PSG11: variants seen among roughly 807,000 people sequenced by gnomAD.
PSG11 encodes the protein pregnancy-specific beta-1-glycoprotein 11.
A neutral mutation model predicts 36.0 loss-of-function variants in PSG11; 42 were observed. That is an observed-to-expected ratio of 1.17 (90% CI 0.91 to 1.51). The LOEUF (loss-of-function observed/expected upper bound fraction) is 1.51. Among genes scored for constraint, PSG11 ranks in the 40% most tolerant of loss-of-function variants. The probability of loss-of-function intolerance (pLI) is 0.00; values close to 1 mark genes in which losing one functional copy is unlikely to be tolerated. For missense variants in PSG11, 558 were observed against 403.5 expected, an observed-to-expected ratio of 1.38 and a Z score of -3.28; for synonymous variants, 206 against 153.5, an observed-to-expected ratio of 1.34 and a Z score of -2.53.
intron 4 of PSG11, 146 bp downstream of exon 4, chr19:43,014,970 A>C: frequency 6.5e-7 from 1 of 1,547,818 alleles, no homozygotes; most frequent in East Asian, 2.3e-5. Context: ...GTAGAGACAA[A>C]TTGGGAGGGT....
intron 1 of PSG11, among the ~76,000 whole-genome samples, chr19:43,025,552 GT>G (rs1255685196): frequency 3.3e-5 from 5 of 151,008 alleles, no homozygotes; most frequent in Non-Finnish European, 7.4e-5. Flanking sequence ...CATGAGCTCC[GT>G]GAGGACAGGG....
rs1240596108 is a variant in PSG11 at position 43,015,354 on chromosome 19, G to A, written c.726C>T (p.Pro242=). The change falls in exon 4 of 6, where the codon CCC becomes CCT. Residue 242 remains proline, a synonymous_variant. Transcript: ENST00000320078. Reference sequence around the variant, plus strand: ...AAGAGGTGACTGAAGGGAAAATTCTGGGGAGGTCTGGACCATCTGGAGGAA... The same window carrying A: ...AAGAGGTGACTGAAGGGAAAATTCTAGGGAGGTCTGGACCATCTGGAGGAA... ...TLNLLHGPDL[P]RIFPSVTSYY... 8 of 1,610,456 alleles carry A rather than the reference G, an allele frequency of 5.0e-6. No individual in the cohort carries two copies. The highest frequency in any genetic ancestry group is 6.8e-6 in the Non-Finnish European group (8 of 1,177,946).
chr19:43,010,395 A>T lies in PSG11; in HGVS notation c.965-354T>A, dbSNP rs527786509. On this transcript the variant is annotated intron_variant, in intron 4 of 5. Coordinates refer to ENST00000320078, the MANE Select transcript of PSG11 (RefSeq NM_002785.3). ...CAGTGTCTCTGTTGTGGCAGTCATG[A>T]ATGAGACTCTGTCAGATCTCCATGG... is the stretch of plus-strand genomic sequence containing the variant. The T allele has an allele frequency of 6.4e-6, 10 of 1,559,384 alleles. No homozygotes were observed. The South Asian group carries it at 1.2e-4, about 18-fold the overall frequency.
intron 4 of PSG11, among the ~76,000 whole-genome samples, chr19:43,012,795 T>G (rs1416020642): frequency 6.6e-6 from 1 of 151,342 alleles, no homozygotes; most frequent in Non-Finnish European, 1.5e-5. Flanking sequence ...TCCTAAAATT[T>G]ATATTGAATC....
In PSG11 at chr19:43,017,913, CA is replaced by C. The variant is rs566186439; in HGVS notation, c.709+856del. Among the ~76,000 whole-genome samples the C allele has an allele frequency of 5.3e-5, 8 of 151,356 alleles. No homozygotes were observed. In the South Asian group the frequency reaches 1.7e-3, roughly 32 times the overall value. Reference sequence around the variant, plus strand: ...TTCCTTAATTTCCTTTCAGATTGTTCATTGTTAGTGTATAGTCTAAAGAATG... The same window carrying C: ...TTCCTTAATTTCCTTTCAGATTGTTCTTGTTAGTGTATAGTCTAAAGAATG... On this transcript the variant is annotated intron_variant, in intron 3 of 5. Coordinates refer to ENST00000320078, the MANE Select transcript of PSG11 (RefSeq NM_002785.3).
At position 43,013,214 on chromosome 19, in the gene PSG11, T is replaced by C. The variant is rs919932308; in HGVS notation, c.964+1902A>G. Among the ~76,000 whole-genome samples, 9 of 151,582 alleles carry C rather than the reference T, an allele frequency of 5.9e-5. 1 individual carries two copies. In the South Asian group the frequency reaches 1.7e-3, roughly 28 times the overall value. On this transcript the variant is annotated intron_variant, in intron 4 of 5. Coordinates refer to ENST00000320078, the MANE Select transcript of PSG11 (RefSeq NM_002785.3). Reference sequence around the variant, plus strand: ...TGATACTGGATTTCACAATAATTCCTTGGTTGTAACAACAAAAGCATAGGC... The same window carrying C: ...TGATACTGGATTTCACAATAATTCCCTGGTTGTAACAACAAAAGCATAGGC...
chr19:43,014,571 T>A (rs2122796134), intron 4 of PSG11: 1 of 1,001,840 alleles, frequency 1.0e-6, no homozygotes, highest in Admixed American at 5.6e-5. Flanking sequence ...GGACTCTTTC[T>A]CCACACATGC....
chr19:43,024,548 G>T (rs1463651841), intron 2 of PSG11, 143 bp downstream of exon 2: 10 of 1,478,474 alleles, frequency 6.8e-6, no homozygotes, highest in Non-Finnish European at 9.3e-6. Context: ...CTCTGTGTGT[G>T]TCCTGCACTA....
Position 43,020,702 on chromosome 19 carries a change from A to G in PSG11, c.431-1654T>C, listed in dbSNP as rs541399129. Reference sequence around the variant, plus strand: ...TTGAAATTAGCAGCTCCTTAAGTAGAGAGAGTCCCGTTAAAAGGACAGAAC... The same window carrying G: ...TTGAAATTAGCAGCTCCTTAAGTAGGGAGAGTCCCGTTAAAAGGACAGAAC... On this transcript the variant is annotated intron_variant, in intron 2 of 5. Coordinates refer to ENST00000320078, the MANE Select transcript of PSG11 (RefSeq NM_002785.3). Among the ~76,000 whole-genome samples, 17 of 151,356 alleles carry G rather than the reference A, an allele frequency of 1.1e-4. 2 individuals carry two copies. Among genetic ancestry groups the G allele is most frequent in the Non-Finnish European group, 1.9e-4 (13 of 67,912 alleles).
chr19:43,019,040 G>C lies in PSG11; in HGVS notation c.439C>G (p.Pro147Ala), dbSNP rs770572619. 2 of 1,611,532 alleles carry C rather than the reference G, an allele frequency of 1.2e-6. No homozygotes were observed. The highest frequency in any genetic ancestry group is 1.1e-5 in the South Asian group (1 of 90,752). Residue 147 changes from proline to alanine, a missense_variant, in exon 3 of 6, where the codon CCC (proline) becomes GCC (alanine). Coordinates refer to ENST00000320078, the MANE Select transcript of PSG11 (RefSeq NM_002785.3). ...YFTFTLYLET[P>A]KPSISSSNLN... is the part of the protein sequence containing the mutation. The stretch of plus-strand genomic sequence containing the variant: ...TTGCTGCTGGAGATGGAGGGCTTGG[G>C]AGTCTCCACTGTGCAGAAAACAGAG...
intron 2 of PSG11, among the ~76,000 whole-genome samples, chr19:43,021,018 A>G (rs1220987951): frequency 1.3e-5 from 2 of 151,494 alleles, no homozygotes; most frequent in South Asian, 4.2e-4. Flanking sequence ...CGGCATCATC[A>G]TGAGGAAACA....
chr19:43,022,913 T>A (rs1349006146), intron 2 of PSG11, among the ~76,000 whole-genome samples: 1 of 150,102 alleles, frequency 6.7e-6, no homozygotes, highest in African/African-American at 2.5e-5. Context: ...AGGGAGTGTC[T>A]GGGGAAGGCC....
intron 4 of PSG11, chr19:43,014,042 C>A (rs1966895822): frequency 1.3e-5 from 2 of 151,104 alleles, no homozygotes. Flanking sequence ...TATATAATTC[C>A]ATTTATAAAA....
At position 43,007,899 on chromosome 19, in the gene PSG11, G is replaced by A. The variant is rs2122776429; in HGVS notation, c.*184C>T. On this transcript the variant is annotated 3_prime_UTR_variant, in exon 6 of 6. Coordinates refer to ENST00000320078, the MANE Select transcript of PSG11 (RefSeq NM_002785.3). ...TTGTTATTTAGTCCAATGAAATGGA[G>A]TTCTTTTCTTCTTTGTCTTGAATTT... 2.6e-6 allele frequency: 1 copy of A among 383,948 alleles called. No homozygotes were observed. The highest frequency in any genetic ancestry group is 3.7e-5 in the East Asian group (1 of 26,688). The allele number at this position is 383,948 out of a possible 1,614,324, so 23.8% of individuals were successfully genotyped here. A position where few individuals can be genotyped will look rare whatever the true frequency, so the allele number is the denominator to read the frequency against.
chr19:43,015,092 C>G (rs1966924918), intron 4 of PSG11, 24 bp downstream of exon 4: 1 of 1,611,312 alleles, frequency 6.2e-7, no homozygotes. Context: ...AACCCTATTG[C>G]CAAGGATGCT....
Position 43,026,427 on chromosome 19 carries a change from C to G in PSG11, c.-55G>C, listed in dbSNP as rs767506012. 3 of 1,596,256 alleles carry G rather than the reference C, an allele frequency of 1.9e-6. No individual in the cohort carries two copies. The highest frequency in any genetic ancestry group is 2.3e-5 in the East Asian group (1 of 44,130). ...TGGAGATGAGCCTAGGATCCAGAAGCTTCCAGAGCACGGCTGTCAGCTGTG... is the reference window on the plus strand; with the variant it reads ...TGGAGATGAGCCTAGGATCCAGAAGGTTCCAGAGCACGGCTGTCAGCTGTG... On this transcript the variant is annotated 5_prime_UTR_variant, in exon 1 of 6. Transcript: ENST00000320078.
At position 43,012,638 on chromosome 19, in the gene PSG11, C is replaced by T. The variant is rs553086277; in HGVS notation, c.964+2478G>A. Among the ~76,000 whole-genome samples the T allele has an allele frequency of 5.9e-5, 9 of 151,278 alleles. No homozygotes were observed. In the South Asian group the frequency reaches 1.5e-3, roughly 25 times the overall value. On this transcript the variant is annotated intron_variant, in intron 4 of 5. Coordinates refer to ENST00000320078, the MANE Select transcript of PSG11 (RefSeq NM_002785.3). The stretch of plus-strand genomic sequence containing the variant: ...AAATATTGCTGAAAGAAATGAAAGA[C>T]AATATCAATAAATGGAAAGACATTT...
chr19:43,022,925 A>T (rs1430818070), intron 2 of PSG11, among the ~76,000 whole-genome samples: 5 of 150,484 alleles, frequency 3.3e-5, no homozygotes, highest in African/African-American at 7.4e-5. Context: ...GGGAAGGCCT[A>T]GGGGTGGGGG....
Position 43,018,882 on chromosome 19 carries a change from G to T in PSG11, c.597C>A (p.Asn199Lys). ...TGACACCAAATAGAAAGAGGGTCCT[G>T]TTGGTTTCAGACAGCTGCATCCTAT... ...MTHRMQLSETNRTLFLFGVTK... is the reference protein window; with the variant it reads ...MTHRMQLSETKRTLFLFGVTK... Residue 199 changes from asparagine (N) to lysine (K), a missense_variant, in exon 3 of 6, where the codon AAC becomes AAA. Transcript: ENST00000320078. The T allele has an allele frequency of 6.2e-7, 1 of 1,612,112 alleles. No homozygotes were observed. The highest frequency in any genetic ancestry group is 8.5e-7 in the Non-Finnish European group (1 of 1,179,072).
Sources: allele counts gnomAD v4.1 joint callset (sites outside exome capture counted in the v4.1 genomes callset), GRCh38; gene constraint gnomAD v4.1.1; transcripts MANE v1.5; gene names NCBI Gene and HGNC (gene_info 2026-07-23, HGNC 2026-07-21).